The following TRAPPC3L variants were observed in gnomAD, a reference collection of about 807,000 sequenced individuals.
The protein encoded by TRAPPC3L is trafficking protein particle complex subunit 3L, also known as trafficking protein particle complex subunit 3-like protein.
TRAPPC3L carries 23 observed loss-of-function variants against 23.7 expected under a neutral mutation model. That is an observed-to-expected ratio of 0.97 (90% confidence interval 0.70 to 1.37). TRAPPC3L has a LOEUF of 1.37. TRAPPC3L is among the 40% of genes most tolerant of loss of function. The probability of loss-of-function intolerance (pLI) is 0.00; values close to 1 mark genes in which losing one functional copy is unlikely to be tolerated. For synonymous variants in TRAPPC3L, 81 were observed against 77.9 expected (o/e 1.04, Z -0.21); for missense variants, 212 against 216.8 (o/e 0.98, Z 0.14).
intron 1 of TRAPPC3L, chr6:116,543,884 T>C (rs1262528893): frequency 2.0e-6 from 3 of 1,525,072 alleles, no homozygotes; most frequent in Admixed American, 4.0e-5. Context: ...TGAGTTTCTT[T>C]TCTTTTTACT....
chr6:116,530,196 A>G (rs1344941141), intron 3 of TRAPPC3L, among the ~76,000 whole-genome samples: 1 of 152,228 alleles, frequency 6.6e-6, no homozygotes, highest in East Asian at 1.9e-4. Context: ...AGTAAAATAC[A>G]GAAGCATAAG....
At chr6:116,502,803 T>G (rs530826683) in intron 3 of TRAPPC3L, among the ~76,000 whole-genome samples, 30 of 152,216 alleles carry the variant, frequency 2.0e-4, no homozygotes, top group African/African-American at 7.0e-4. Context: ...AGAAATAAAA[T>G]CCTTTTCAGA....
intron 3 of TRAPPC3L, chr6:116,520,296 T>C (rs1772307857): frequency 6.6e-6 from 1 of 152,200 alleles, no homozygotes; most frequent in African/African-American, 2.4e-5. Flanking sequence ...AACTATATTA[T>C]TCTATTTAGA....
intron 4 of TRAPPC3L, among the ~76,000 whole-genome samples, chr6:116,499,082 A>T (rs1771873977): frequency 6.6e-6 from 1 of 152,026 alleles, no homozygotes; most frequent in South Asian, 2.1e-4. Context: ...CGAACTCCTC[A>T]CTTTGTCTCT....
In TRAPPC3L at chr6:116,543,364, C is replaced by A; in HGVS notation, c.79G>T (p.Val27Phe). 1 of 1,549,878 alleles carries A rather than the reference C, an allele frequency of 6.5e-7. No individual in the cohort carries two copies. ...TCATAATCCTTACACAGCTGGGCAA[C>A]CAGAGCTCCATAGGTAAGGACAAAG... ...DLFVLTYGAL[V>F]AQLCKDYEKD... Residue 27 changes from valine to phenylalanine, a missense_variant, in exon 2 of 5, where the codon GTT becomes TTT. Coordinates refer to ENST00000368602, the MANE Select transcript of TRAPPC3L (RefSeq NM_001139444.3).
chr6:116,530,902 CATATATATATATATATATAT>C (rs10557481), intron 3 of TRAPPC3L, among the ~76,000 whole-genome samples: 20 of 76,484 alleles, frequency 2.6e-4, no homozygotes, highest in East Asian at 1.1e-3. Context: ...AAGTGAGACT[CATATATATATATATATATAT>C]ATATATATAT....
chr6:116,536,632 C>G (rs1773110957), intron 3 of TRAPPC3L, among the ~76,000 whole-genome samples: 1 of 152,190 alleles, frequency 6.6e-6, no homozygotes, highest in Non-Finnish European at 1.5e-5. Flanking sequence ...CTCTTTCCTT[C>G]CCTGGAGACA....
In TRAPPC3L at chr6:116,496,808, C is replaced by A. The variant is rs1016289916; in HGVS notation, c.*146G>T. On this transcript the variant is annotated 3_prime_UTR_variant, in exon 5 of 5. Coordinates refer to ENST00000368602, the MANE Select transcript of TRAPPC3L (RefSeq NM_001139444.3). Reference sequence around the variant, plus strand: ...GCAAAAGGAAAAAAAAACCTTTAAGCCTTCATGCCCTGCATTTCAAATTTC... The same window carrying A: ...GCAAAAGGAAAAAAAAACCTTTAAGACTTCATGCCCTGCATTTCAAATTTC... The A allele has an allele frequency of 6.1e-6, 7 of 1,151,906 alleles. No homozygotes were observed. The highest frequency in any genetic ancestry group is 4.9e-5 in the African/African-American group (3 of 60,732). 71.4% of individuals were successfully genotyped at this position (1,151,906 alleles called of 1,614,324 possible).
chr6:116,497,114 A>G (rs891057498), intron 4 of TRAPPC3L, 41 bp from the exon 5 acceptor site: 5 of 1,498,776 alleles, frequency 3.3e-6, no homozygotes, highest in Admixed American at 2.9e-5. Context: ...CATTCAATTA[A>G]AAAACAAAAA....
chr6:116,502,000 G>A (rs1771923696), intron 3 of TRAPPC3L, among the ~76,000 whole-genome samples: 1 of 152,160 alleles, frequency 6.6e-6, no homozygotes, highest in Non-Finnish European at 1.5e-5. Flanking sequence ...GCCAGCAAGG[G>A]AACAAAACTG....
intron 3 of TRAPPC3L, chr6:116,524,663 G>A (rs907849894): frequency 7.2e-5 from 11 of 152,082 alleles, no homozygotes; most frequent in African/African-American, 2.7e-4. Context: ...TATCTTTCAT[G>A]TCCAAAAATG....
chr6:116,537,636 G>A (rs536279874), intron 3 of TRAPPC3L, among the ~76,000 whole-genome samples: 1 of 152,076 alleles, frequency 6.6e-6, no homozygotes, highest in Non-Finnish European at 1.5e-5. Context: ...AGACTTCATT[G>A]TAAGGTAAAG....
chr6:116,520,937 T>G (rs1035897696), intron 3 of TRAPPC3L: 1 of 151,956 alleles, frequency 6.6e-6, no homozygotes, highest in African/African-American at 2.4e-5. Flanking sequence ...TGAATTTAAA[T>G]TGGTTCTAGC....
At chr6:116,504,562 T>G (rs1771972251) in intron 3 of TRAPPC3L, among the ~76,000 whole-genome samples, 1 of 152,158 alleles carries the variant, frequency 6.6e-6, no homozygotes, top group African/African-American at 2.4e-5. Flanking sequence ...TACCAAAGCC[T>G]GGCAGAGACA....
chr6:116,511,961 C>T (rs1487637744), intron 3 of TRAPPC3L: 2 of 1,613,868 alleles, frequency 1.2e-6, no homozygotes, highest in African/African-American at 2.7e-5. Context: ...GAAAATCTTT[C>T]CCAGAGGCCA....
Position 116,496,851 on chromosome 6 carries a change from T to C in TRAPPC3L, c.*103A>G. On this transcript the variant is annotated 3_prime_UTR_variant, in exon 5 of 5. Coordinates refer to ENST00000368602, the MANE Select transcript of TRAPPC3L (RefSeq NM_001139444.3). Reference sequence around the variant, plus strand: ...CAAATTTCTGGCTGATTTATAAACCTTTCAAAGCTCATGCTATGAAGCAAT... The same window carrying C: ...CAAATTTCTGGCTGATTTATAAACCCTTCAAAGCTCATGCTATGAAGCAAT... The C allele has an allele frequency of 7.2e-7, 1 of 1,388,012 alleles. No homozygotes were observed. Among genetic ancestry groups the C allele is most frequent in the East Asian group, 2.9e-5 (1 of 34,424 alleles). 86.0% of individuals were successfully genotyped at this position (1,388,012 alleles called of 1,614,324 possible). A position where few individuals can be genotyped will look rare whatever the true frequency, so the allele number is the denominator to read the frequency against.
At chr6:116,508,244 T>C (rs898097309) in intron 3 of TRAPPC3L, among the ~76,000 whole-genome samples, 3 of 152,206 alleles carry the variant, frequency 2.0e-5, no homozygotes, top group Non-Finnish European at 2.9e-5. Context: ...GGGAGTTCAA[T>C]AGCCATTTGC....
chr6:116,503,086 A>G (rs896722394), intron 3 of TRAPPC3L, among the ~76,000 whole-genome samples: 6 of 152,194 alleles, frequency 3.9e-5, no homozygotes, highest in African/African-American at 1.4e-4. Context: ...GGCAAATTGG[A>G]TGAAGAGTCA....
chr6:116,507,386 T>A (rs1772024081), intron 3 of TRAPPC3L, among the ~76,000 whole-genome samples: 1 of 152,174 alleles, frequency 6.6e-6, no homozygotes, highest in Non-Finnish European at 1.5e-5. Flanking sequence ...GTGGTCTCAG[T>A]TACCTGTGGT....
Sources: gnomAD v4.1 joint callset for allele counts (sites outside exome capture counted in the v4.1 genomes callset) on GRCh38, gnomAD v4.1.1 for gene constraint, MANE v1.5 for transcripts, NCBI Gene and HGNC (gene_info 2026-07-23, HGNC 2026-07-21) for gene names.